The following PCDHGA11 variants were observed in gnomAD, a reference collection of about 807,000 sequenced individuals.
The protein encoded by PCDHGA11 is protocadherin gamma-A11.
PCDHGA11 carries 39 observed loss-of-function variants against 60.4 expected under a neutral mutation model. The observed-to-expected ratio is 0.65, with a 90% CI of 0.50 to 0.84. The LOEUF (loss-of-function observed/expected upper bound fraction) is 0.84. PCDHGA11 is among the 40% of genes least tolerant of loss of function. The probability of loss-of-function intolerance (pLI) is 0.00; values close to 1 mark genes in which losing one functional copy is unlikely to be tolerated. For missense variants in PCDHGA11, 1,165 were observed against 1,197.7 expected (o/e 0.97, Z 0.40); for synonymous variants, 533 against 510.3 (o/e 1.04, Z -0.60).
At chr5:141,428,223 A>G in intron 1 of PCDHGA11, 1 of 1,169,680 alleles carries the variant, frequency 8.5e-7, no homozygotes. Context: ...TAGTCTTCGC[A>G]GACAGCCTGC....
rs776721321 is a variant in PCDHGA11, at chr5:141,431,084, C to A, written c.2433+7424C>A. ...CAAGTGTCAATTAAATCTAGACATT[C>A]TGATGGAGGATAAAGTGAAAATATA... is the stretch of plus-strand genomic sequence containing the variant. On this transcript the variant is annotated intron_variant, in intron 1 of 3. Coordinates refer to ENST00000398587, the MANE Select transcript of PCDHGA11 (RefSeq NM_018914.3). This position sits in a 1 kb window ranked among gnomAD's most constrained non-coding sequence, Gnocchi z 4.8. The A allele has an allele frequency of 1.2e-6, 2 of 1,614,060 alleles. No homozygotes were observed. Among genetic ancestry groups the A allele is most frequent in the Non-Finnish European group, 1.7e-6 (2 of 1,180,002 alleles).
chr5:141,428,057 G>T, intron 1 of PCDHGA11: 1 of 1,609,044 alleles, frequency 6.2e-7, no homozygotes, highest in Non-Finnish European at 8.5e-7. Flanking sequence ...AGGTGGTGGC[G>T]GTGGACGCAG....
chr5:141,443,254 G>A (rs185181143), intron 1 of PCDHGA11, among the ~76,000 whole-genome samples: 30 of 152,006 alleles, frequency 2.0e-4, no homozygotes, highest in Admixed American at 1.6e-3. Context: ...GCCAAGGCGG[G>A]TGGATCACTT....
rs765304048 is a variant in PCDHGA11, at chr5:141,423,660, G to T, written c.2433G>T (p.Gln811His). Residue 811 changes from glutamine (Q) to histidine (H), a missense_variant and splice_region_variant, in exon 1 of 4, where the codon CAG becomes CAT. Physicochemically the swap from Gln to His is conservative, Grantham distance 24. Coordinates refer to ENST00000398587, the MANE Select transcript of PCDHGA11 (RefSeq NM_018914.3). ...ILGKCDPTSN[Q>H]QAPPNTDWRF... Reference sequence around the variant, plus strand: ...GCAAATGTGACCCGACAAGTAATCAGGTGAGATTTATTTCTCTGCCTCCTA... The same window carrying T: ...GCAAATGTGACCCGACAAGTAATCATGTGAGATTTATTTCTCTGCCTCCTA... 1.3e-6 allele frequency: 2 copies of T among 1,560,582 alleles called. No individual in the cohort carries two copies. Among genetic ancestry groups the T allele is most frequent in the Non-Finnish European group, 8.6e-7 (1 of 1,156,228 alleles).
At chr5:141,484,061 G>A (rs570687480) in intron 1 of PCDHGA11, among the ~76,000 whole-genome samples, 8 of 152,124 alleles carry the variant, frequency 5.3e-5, no homozygotes, top group Non-Finnish European at 1.0e-4. Context: ...CTGGGGCTAA[G>A]TGAAAAGCTT....
rs778246278 is a variant in PCDHGA11 at position 141,491,522 on chromosome 5, A to C, written c.2434-3285A>C. The C allele has an allele frequency of 6.2e-6, 10 of 1,614,024 alleles. No individual in the cohort carries two copies. The highest frequency in any genetic ancestry group is 8.5e-6 in the Non-Finnish European group (10 of 1,180,002). ...TCGGACGGCACGCTCAAGTACATGGAGGTGACGCTGCGGCCCACAGACTCG... is the reference window on the plus strand; with the variant it reads ...TCGGACGGCACGCTCAAGTACATGGCGGTGACGCTGCGGCCCACAGACTCG... On this transcript the variant is annotated intron_variant, in intron 1 of 3. Coordinates refer to ENST00000398587, the MANE Select transcript of PCDHGA11 (RefSeq NM_018914.3). The surrounding 1 kb of genome is among the most constrained non-coding windows in gnomAD (Gnocchi z 6.9).
In PCDHGA11 at chr5:141,423,497, A is replaced by G; in HGVS notation, c.2270A>G (p.Glu757Gly). The G allele has an allele frequency of 2.5e-6, 4 of 1,613,940 alleles. No individual in the cohort carries two copies. The highest frequency in any genetic ancestry group is 3.4e-6 in the Non-Finnish European group (4 of 1,179,922). ...GCTTTCCTGCAAACCTATTCCCACG[A>G]GGTCTCTCTCATTGCGGACTCGCAG... ...VQAFLQTYSH[E>G]VSLIADSQKS... The change falls in exon 1 of 4, where the codon GAG (glutamate) becomes GGG (glycine). Residue 757 changes from glutamate (E) to glycine (G), a missense_variant. Physicochemically the swap from Glu to Gly is moderately conservative, Grantham distance 98 (BLOSUM62 -2). Coordinates refer to ENST00000398587, the MANE Select transcript of PCDHGA11 (RefSeq NM_018914.3).
intron 3 of PCDHGA11, among the ~76,000 whole-genome samples, chr5:141,506,363 C>T (rs1013247178): frequency 4.0e-5 from 6 of 150,792 alleles, no homozygotes; most frequent in South Asian, 4.2e-4. Context: ...GCAGGAGAAT[C>T]GCTTGAACCT....
At chr5:141,462,019 C>T (rs1276421563) in intron 1 of PCDHGA11, among the ~76,000 whole-genome samples, 6 of 152,178 alleles carry the variant, frequency 3.9e-5, no homozygotes, top group Non-Finnish European at 8.8e-5. Flanking sequence ...GACGGGGTTT[C>T]TTCATGTTGG....
At chr5:141,494,965 C>T in intron 2 of PCDHGA11, 100 bp downstream of exon 2, 1 of 1,592,636 alleles carries the variant, frequency 6.3e-7, no homozygotes, top group Non-Finnish European at 8.6e-7. Context: ...CTACAGATGG[C>T]TTCTCCCTCA....
rs769351399 is a variant in PCDHGA11, at chr5:141,432,649, A to G, written c.2433+8989A>G. The G allele has an allele frequency of 6.2e-7, 1 of 1,613,742 alleles. No homozygotes were observed. The highest frequency in any genetic ancestry group is 1.1e-5 in the South Asian group (1 of 91,054). ...ACACGGGCGAGGTGCGCACGGCGCG[A>G]GCCCTGCTGGACAGAGACGCGCTCA... is the stretch of plus-strand genomic sequence containing the variant. On this transcript the variant is annotated intron_variant, in intron 1 of 3. Coordinates refer to ENST00000398587, the MANE Select transcript of PCDHGA11 (RefSeq NM_018914.3). The surrounding 1 kb of genome is among the most constrained non-coding windows in gnomAD (Gnocchi z 6.0).
intron 3 of PCDHGA11, among the ~76,000 whole-genome samples, chr5:141,509,066 C>A (rs1215686419): frequency 6.6e-6 from 1 of 152,172 alleles, no homozygotes; most frequent in Non-Finnish European, 1.5e-5. Context: ...GCTCTCAGCT[C>A]CGGGGATTTG....
intron 1 of PCDHGA11, chr5:141,426,170 T>G (rs2096918811): frequency 6.4e-6 from 1 of 155,200 alleles, no homozygotes. Flanking sequence ...CCATACGGAT[T>G]GGGGTGCCCT....
intron 2 of PCDHGA11, among the ~76,000 whole-genome samples, chr5:141,496,744 T>C (rs1383447795): frequency 6.6e-6 from 1 of 152,170 alleles, no homozygotes; most frequent in Non-Finnish European, 1.5e-5. Context: ...GTTCATTTAT[T>C]CAACAAATAT....
chr5:141,508,961 A>G (rs991011427), intron 3 of PCDHGA11, among the ~76,000 whole-genome samples: 2 of 151,978 alleles, frequency 1.3e-5, no homozygotes, highest in Non-Finnish European at 2.9e-5. Flanking sequence ...TGTCAGCGGA[A>G]TGAAAGGGCT....
At chr5:141,443,498 C>G (rs1217918256) in intron 1 of PCDHGA11, among the ~76,000 whole-genome samples, 3 of 152,036 alleles carry the variant, frequency 2.0e-5, no homozygotes, top group Non-Finnish European at 4.4e-5. Context: ...AACAAACAAA[C>G]AAATAAAGAG....
rs888836155 is a variant in PCDHGA11, at chr5:141,512,011, A to C, written c.*838A>C. The C allele has an allele frequency of 1.3e-5, 2 of 152,946 alleles. No homozygotes were observed. The highest frequency in any genetic ancestry group is 6.5e-5 in the Admixed American group (1 of 15,300). The allele number at this position is 152,946 out of a possible 1,614,324, so 9.5% of individuals were successfully genotyped here. ...GGCATGGACAAAGCTTGACACATCA[A>C]GTTATCAAGGCCTTGGAGGAGGCTC... On this transcript the variant is annotated 3_prime_UTR_variant, in exon 4 of 4. Coordinates refer to ENST00000398587, the MANE Select transcript of PCDHGA11 (RefSeq NM_018914.3).
chr5:141,446,821 T>G (rs183143971), intron 1 of PCDHGA11, among the ~76,000 whole-genome samples: 2 of 152,184 alleles, frequency 1.3e-5, no homozygotes, highest in South Asian at 4.1e-4. Context: ...GTCAGATGGG[T>G]AGATCCTTAT....
chr5:141,485,543 G>C lies in PCDHGA11; in HGVS notation c.2434-9264G>C. 1.9e-6 allele frequency: 3 copies of C among 1,614,092 alleles called. No homozygotes were observed. The highest frequency in any genetic ancestry group is 2.5e-6 in the Non-Finnish European group (3 of 1,179,972). On this transcript the variant is annotated intron_variant, in intron 1 of 3. Coordinates refer to ENST00000398587, the MANE Select transcript of PCDHGA11 (RefSeq NM_018914.3). This position sits in a 1 kb window ranked among gnomAD's most constrained non-coding sequence, Gnocchi z 5.7. Reference sequence around the variant, plus strand: ...AATGTACCGAGCAGAGGTAGAGATCGTAGATGTGAATGATCACGCCCCCCG... The same window carrying C: ...AATGTACCGAGCAGAGGTAGAGATCCTAGATGTGAATGATCACGCCCCCCG...
Sources: allele counts gnomAD v4.1 joint callset (sites outside exome capture counted in the v4.1 genomes callset), GRCh38; gene constraint gnomAD v4.1.1; non-coding constraint Gnocchi (gnomAD v3.1); transcripts MANE v1.5; gene names NCBI Gene and HGNC (gene_info 2026-07-23, HGNC 2026-07-21).